The following PLCB1 variants were observed in gnomAD, a reference collection of about 807,000 sequenced individuals.
PLCB1 encodes the protein phospholipase C beta 1, also known as 1-phosphatidylinositol 4,5-bisphosphate phosphodiesterase beta-1.
Under a neutral mutation model 161.8 loss-of-function variants are expected in PLCB1, and 46 were observed. That is an observed-to-expected ratio of 0.28 (90% CI 0.22 to 0.36). PLCB1 has a LOEUF of 0.36. PLCB1 is among the 10% of genes least tolerant of loss of function. The pLI is 1.00. For missense variants in PLCB1, 1,016 were observed against 1,472.5 expected (o/e 0.69, Z 5.07); for synonymous variants, 517 against 503.7 (o/e 1.03, Z -0.35).
At chr20:8,598,060 TC>T (rs1987397703) in intron 3 of PLCB1, among the ~76,000 whole-genome samples, 1 of 12,152 alleles carries the variant, frequency 8.2e-5, no homozygotes, top group East Asian at 1.4e-3. Flanking sequence ...GCTCCTGGAT[TC>T]ATTAATTTTT....
chr20:8,620,772 AAAG>A (rs1430592350), intron 3 of PLCB1, among the ~76,000 whole-genome samples: 4 of 151,492 alleles, frequency 2.6e-5, no homozygotes, highest in Non-Finnish European at 5.9e-5. Context: ...AAAAAAAAGA[AAAG>A]AAAAGAAACA....
At chr20:8,238,302 A>G (rs1416822107) in intron 2 of PLCB1, among the ~76,000 whole-genome samples, 2 of 152,020 alleles carry the variant, frequency 1.3e-5, no homozygotes, top group African/African-American at 4.8e-5. Context: ...TGAATCAGAC[A>G]TGTCAGTGAG....
At chr20:8,308,062 G>A (rs907335506) in intron 2 of PLCB1, among the ~76,000 whole-genome samples, 5 of 151,972 alleles carry the variant, frequency 3.3e-5, no homozygotes, top group African/African-American at 1.2e-4. Context: ...TTTTACTTGA[G>A]TCAAATAAAC....
At chr20:8,833,131 G>A (rs746653616) in intron 31 of PLCB1, among the ~76,000 whole-genome samples, 9 of 152,224 alleles carry the variant, frequency 5.9e-5, no homozygotes, top group Non-Finnish European at 1.2e-4. Flanking sequence ...ATCCAATGAT[G>A]TGTGTATTAG....
At chr20:8,210,956 T>A (rs557070462) in intron 2 of PLCB1, among the ~76,000 whole-genome samples, 1 of 152,292 alleles carries the variant, frequency 6.6e-6, no homozygotes, top group African/African-American at 2.4e-5. Flanking sequence ...CTCCTGGGAC[T>A]ATCCCTCAGG....
At chr20:8,813,232 A>G (rs1336142172) in intron 31 of PLCB1, among the ~76,000 whole-genome samples, 1 of 152,318 alleles carries the variant, frequency 6.6e-6, no homozygotes, top group Non-Finnish European at 1.5e-5. Flanking sequence ...TTTCTAATAC[A>G]TTTCTCTACC....
intron 16 of PLCB1, 129 bp downstream of exon 16, chr20:8,724,881 A>T: frequency 1.7e-6 from 1 of 603,288 alleles, no homozygotes; most frequent in Non-Finnish European, 2.9e-6. Context: ...AAATATATGT[A>T]CATTTTGACT....
intron 4 of PLCB1, among the ~76,000 whole-genome samples, chr20:8,640,690 A>C (rs1276684334): frequency 6.6e-6 from 1 of 152,184 alleles, no homozygotes; most frequent in Non-Finnish European, 1.5e-5. Context: ...CAAATGAATA[A>C]TGACTCAGGA....
At chr20:8,800,317 G>A (rs551172867) in intron 31 of PLCB1, among the ~76,000 whole-genome samples, 181 of 152,264 alleles carry the variant, frequency 1.2e-3, no homozygotes, top group African/African-American at 3.8e-3. Context: ...TACATTTTCT[G>A]TCAACAGAAA....
At chr20:8,682,374 T>G (rs1990244216) in intron 9 of PLCB1, among the ~76,000 whole-genome samples, 1 of 152,080 alleles carries the variant, frequency 6.6e-6, no homozygotes, top group African/African-American at 2.4e-5. Flanking sequence ...TGGTGGTGCA[T>G]GCCTATGGTC....
chr20:8,709,847 C>T (rs137982452), intron 12 of PLCB1, among the ~76,000 whole-genome samples: 158 of 152,278 alleles, frequency 1.0e-3, no homozygotes, highest in Admixed American at 2.7e-3. Flanking sequence ...GTTTCTCCAA[C>T]GCTTCTGAGG....
rs995593973 is a variant in PLCB1 at position 8,509,912 on chromosome 20, AC to A, written c.247-118381del. Among the ~76,000 whole-genome samples, 110 of 152,346 alleles carry A rather than the reference AC, an allele frequency of 7.2e-4. 1 individual carries two copies. The highest frequency in any genetic ancestry group is 2.5e-3 in the African/African-American group (106 of 41,588). ...AGGTAATTTAATGACTGGTGTAAGT[AC>A]AAAAAACATTGCCATCTGCTTTGTT... On this transcript the variant is annotated intron_variant, in intron 3 of 31. Coordinates refer to ENST00000338037, the MANE Select transcript of PLCB1 (RefSeq NM_015192.4).
chr20:8,397,336 A>G (rs1987797246), intron 3 of PLCB1, among the ~76,000 whole-genome samples: 1 of 152,120 alleles, frequency 6.6e-6, no homozygotes, highest in Non-Finnish European at 1.5e-5. Flanking sequence ...TTATATTATT[A>G]ATTTGCTATA....
At chr20:8,528,971 C>A (rs1159704221) in intron 3 of PLCB1, among the ~76,000 whole-genome samples, 1 of 151,914 alleles carries the variant, frequency 6.6e-6, no homozygotes, top group Non-Finnish European at 1.5e-5. Flanking sequence ...AAAAACAGTT[C>A]TACACAATAA....
intron 3 of PLCB1, among the ~76,000 whole-genome samples, chr20:8,483,787 A>T (rs987926595): frequency 2.0e-5 from 3 of 152,206 alleles, no homozygotes; most frequent in Non-Finnish European, 4.4e-5. Context: ...AAACCATTTG[A>T]TCTTTAAACT....
rs76439786 is a variant in PLCB1, at chr20:8,497,284, T to G, written c.246+125834T>G. Among the ~76,000 whole-genome samples the G allele has an allele frequency of 3.7e-4, 56 of 152,302 alleles. No homozygotes were observed. The East Asian group carries it at 0.01, about 28-fold the overall frequency. ...TATGCATATAGTAAGATGTTTAAGTTTTTAAAATTAACTGCATTGTTGAGT... is the reference window on the plus strand; with the variant it reads ...TATGCATATAGTAAGATGTTTAAGTGTTTAAAATTAACTGCATTGTTGAGT... On this transcript the variant is annotated intron_variant, in intron 3 of 31. Coordinates refer to ENST00000338037, the MANE Select transcript of PLCB1 (RefSeq NM_015192.4).
intron 3 of PLCB1, among the ~76,000 whole-genome samples, chr20:8,537,422 G>C (rs1290790684): frequency 6.6e-6 from 1 of 152,146 alleles, no homozygotes; most frequent in Admixed American, 6.5e-5. Context: ...GATCTCATGA[G>C]GAAGCTGCGC....
At chr20:8,234,357 G>T (rs1980217320) in intron 2 of PLCB1, among the ~76,000 whole-genome samples, 1 of 149,338 alleles carries the variant, frequency 6.7e-6, no homozygotes, top group African/African-American at 2.6e-5. Context: ...CAGAAATAGT[G>T]TTACAGAAAT....
At chr20:8,317,738 C>G (rs559743905) in intron 2 of PLCB1, among the ~76,000 whole-genome samples, 3 of 152,282 alleles carry the variant, frequency 2.0e-5, no homozygotes, top group South Asian at 4.1e-4. Context: ...GGTGTATGCT[C>G]TCACTAATCA....
Sources: gnomAD v4.1 joint callset for allele counts (sites outside exome capture counted in the v4.1 genomes callset) on GRCh38, gnomAD v4.1.1 for gene constraint, MANE v1.5 for transcripts, NCBI Gene and HGNC (gene_info 2026-07-23, HGNC 2026-07-21) for gene names.